Variants in ZNF277 observed in about 807,000 individuals in gnomAD.
The protein encoded by ZNF277 is zinc finger protein 277.
Under a neutral mutation model 60.7 loss-of-function variants are expected in ZNF277, and 55 were observed. The ratio of observed to expected loss-of-function variants is 0.91; its 90% CI spans 0.73 to 1.13. The LOEUF is 1.13. Among genes scored for constraint, ZNF277 ranks in the 50% most tolerant of loss-of-function variants. The pLI is 0.00. For missense variants in ZNF277, 510 were observed against 523.0 expected, an observed-to-expected ratio of 0.98 and a Z score of 0.24; for synonymous variants, 178 against 179.3, an observed-to-expected ratio of 0.99 and a Z score of 0.06.
intron 1 of ZNF277, among the ~76,000 whole-genome samples, chr7:112,229,280 C>G (rs1822261149): frequency 6.6e-6 from 1 of 152,076 alleles, no homozygotes; most frequent in South Asian, 2.1e-4. Context: ...ACCAGAGGAC[C>G]AGGAAAGACT....
chr7:112,252,698 G>A (rs561977136), intron 1 of ZNF277, among the ~76,000 whole-genome samples: 181 of 152,222 alleles, frequency 1.2e-3, no homozygotes, highest in African/African-American at 3.9e-3. Flanking sequence ...TTCCTTATCT[G>A]AAAAGTAGTA....
chr7:112,297,361 G>T (rs1205051773), intron 4 of ZNF277, among the ~76,000 whole-genome samples: 1 of 152,100 alleles, frequency 6.6e-6, no homozygotes, highest in African/African-American at 2.4e-5. Context: ...TTCCTTTAGT[G>T]ATTTCTTGTA....
intron 4 of ZNF277, among the ~76,000 whole-genome samples, chr7:112,305,450 A>G (rs2117091701): frequency 6.6e-6 from 1 of 151,858 alleles, no homozygotes; most frequent in South Asian, 2.1e-4. Flanking sequence ...TGGAAAGTAG[A>G]TACTCAAAAG....
chr7:112,340,615 G>A (rs997968151), intron 10 of ZNF277, among the ~76,000 whole-genome samples: 5 of 152,100 alleles, frequency 3.3e-5, no homozygotes, highest in African/African-American at 1.2e-4. Context: ...ATGTAATGTA[G>A]GTATGATACT....
chr7:112,241,053 A>G (rs1434956616), intron 1 of ZNF277, among the ~76,000 whole-genome samples: 2 of 152,166 alleles, frequency 1.3e-5, no homozygotes, highest in Non-Finnish European at 2.9e-5. Flanking sequence ...AACAATCAAC[A>G]AAGTCAGGAG....
intron 7 of ZNF277, 31 bp downstream of exon 7, chr7:112,330,247 G>C (rs752090617): frequency 1.2e-6 from 2 of 1,607,056 alleles, no homozygotes; most frequent in Non-Finnish European, 1.7e-6. Context: ...CTTAAAATTT[G>C]ATTGCAGTAC....
chr7:112,213,048 C>T (rs1587078271), intron 1 of ZNF277, among the ~76,000 whole-genome samples: 1 of 152,184 alleles, frequency 6.6e-6, no homozygotes, highest in South Asian at 2.1e-4. Flanking sequence ...CAAATCTCAT[C>T]TTGAATTCCC....
At chr7:112,232,042 C>CATATATATACAT (rs1554484776) in intron 1 of ZNF277, among the ~76,000 whole-genome samples, 5 of 133,286 alleles carry the variant, frequency 3.8e-5, no homozygotes, top group African/African-American at 1.6e-4. Context: ...TAAATAAATA[C>CATATATATACAT]ATATATATAT....
chr7:112,224,813 T>C (rs1181821613), intron 1 of ZNF277, among the ~76,000 whole-genome samples: 1 of 152,086 alleles, frequency 6.6e-6, no homozygotes, highest in African/African-American at 2.4e-5. Flanking sequence ...AAACTGGACT[T>C]TAGGGACAGG....
intron 1 of ZNF277, among the ~76,000 whole-genome samples, chr7:112,262,892 T>C (rs1229627722): frequency 6.6e-6 from 1 of 152,120 alleles, no homozygotes; most frequent in Admixed American, 6.6e-5. Flanking sequence ...AAAATATATA[T>C]TGTATTTCAT....
chr7:112,309,912 G>A (rs1563224030), intron 4 of ZNF277, among the ~76,000 whole-genome samples: 1 of 152,166 alleles, frequency 6.6e-6, no homozygotes, highest in East Asian at 1.9e-4. Context: ...GTCAAACAGA[G>A]AGACGCATAG....
At chr7:112,250,636 A>G (rs1407831580) in intron 1 of ZNF277, among the ~76,000 whole-genome samples, 4 of 152,196 alleles carry the variant, frequency 2.6e-5, no homozygotes, top group Non-Finnish European at 5.9e-5. Context: ...TCAGGAAAAT[A>G]GAAAAGAACC....
chr7:112,222,308 T>C (rs985301104), intron 1 of ZNF277, among the ~76,000 whole-genome samples: 2 of 152,222 alleles, frequency 1.3e-5, no homozygotes, highest in African/African-American at 4.8e-5. Context: ...GTGACATCGT[T>C]AGGTCTTGGG....
At chr7:112,216,066 G>A (rs532116992) in intron 1 of ZNF277, among the ~76,000 whole-genome samples, 6 of 152,328 alleles carry the variant, frequency 3.9e-5, no homozygotes, top group Admixed American at 3.9e-4. Flanking sequence ...AATGAAGGAG[G>A]AGAAGGGAAG....
rs533095684 is a variant in ZNF277 at position 112,337,649 on chromosome 7, G to A, written c.870-81G>A. On this transcript the variant is annotated intron_variant, in intron 8 of 11. Transcript: ENST00000361822. ...GATTGGCAGGGTTTTTTAGTAAGGAGAAAGCAATACCAAGTCACTGTGTAG... is the reference window on the plus strand; with the variant it reads ...GATTGGCAGGGTTTTTTAGTAAGGAAAAAGCAATACCAAGTCACTGTGTAG... 13 of 1,233,972 alleles carry A rather than the reference G, an allele frequency of 1.1e-5. No homozygotes were observed. In the South Asian group the frequency reaches 1.8e-4, roughly 18 times the overall value. The allele number at this position is 1,233,972 out of a possible 1,614,324, so 76.4% of individuals were successfully genotyped here. A position where few individuals can be genotyped will look rare whatever the true frequency, so the allele number is the denominator to read the frequency against.
At chr7:112,258,471 A>G (rs941199238) in intron 1 of ZNF277, among the ~76,000 whole-genome samples, 1 of 152,154 alleles carries the variant, frequency 6.6e-6, no homozygotes, top group Non-Finnish European at 1.5e-5. Context: ...GCCAAAAAAA[A>G]AAGTATTCTT....
At chr7:112,327,873 G>C in intron 6 of ZNF277, 46 bp downstream of exon 6, 2 of 1,230,938 alleles carry the variant, frequency 1.6e-6, no homozygotes, top group Non-Finnish European at 2.3e-6. Flanking sequence ...TTTTAATCTT[G>C]GACTCTGTTG....
At chr7:112,278,807 A>G (rs890154378) in intron 1 of ZNF277, among the ~76,000 whole-genome samples, 2 of 152,164 alleles carry the variant, frequency 1.3e-5, no homozygotes, top group Admixed American at 1.3e-4. Flanking sequence ...GTACACTACT[A>G]TTAAGTATAT....
At chr7:112,224,695 T>C (rs1318059244) in intron 1 of ZNF277, among the ~76,000 whole-genome samples, 1 of 152,156 alleles carries the variant, frequency 6.6e-6, no homozygotes, top group Non-Finnish European at 1.5e-5. Context: ...AAAACTGAAC[T>C]ATGCAGGTCT....
Sources: allele counts gnomAD v4.1 joint callset (sites outside exome capture counted in the v4.1 genomes callset), GRCh38; gene constraint gnomAD v4.1.1; transcripts MANE v1.5; gene names NCBI Gene and HGNC (gene_info 2026-07-23, HGNC 2026-07-21).